The following MAN1C1 variants were observed in gnomAD, a reference collection of about 807,000 sequenced individuals.
MAN1C1 encodes mannosyl-oligosaccharide 1,2-alpha-mannosidase IC.
A neutral mutation model predicts 71.5 loss-of-function variants in MAN1C1; 49 were observed. The observed-to-expected ratio is 0.69, with a 90% CI of 0.54 to 0.87. The LOEUF (loss-of-function observed/expected upper bound fraction) is 0.87, where lower values mean the gene tolerates loss of function less well. Among genes scored for constraint, MAN1C1 ranks in the 40% least tolerant of loss-of-function variants. The pLI is 0.00. For synonymous variants in MAN1C1, 352 were observed against 343.7 expected (o/e 1.02, Z -0.27); for missense variants, 743 against 835.0 (o/e 0.89, Z 1.36).
Position 25,782,644 on chromosome 1 carries a change from T to G in MAN1C1, c.1710T>G (p.Ser570Arg). The stretch of plus-strand genomic sequence containing the variant: ...TCTCTGGGATCCAAGACGTGTACAG[T>G]AGCACCCCCAACCACGACAACAAGC... ...AGFSGIQDVY[S>R]STPNHDNKQQ... Residue 570 changes from serine (S) to arginine (R), a missense_variant, in exon 11 of 12, where the codon AGT becomes AGG. By Grantham distance (110) the Ser-to-Arg change is moderately radical. Coordinates refer to ENST00000374332, the MANE Select transcript of MAN1C1 (RefSeq NM_020379.4). The surrounding 1 kb of genome is among the most constrained non-coding windows in gnomAD (Gnocchi z 4.4). 1 of 1,614,034 alleles carries G rather than the reference T, an allele frequency of 6.2e-7. No homozygotes were observed. Among genetic ancestry groups the G allele is most frequent in the Non-Finnish European group, 8.5e-7 (1 of 1,179,992 alleles).
intron 1 of MAN1C1, among the ~76,000 whole-genome samples, chr1:25,658,087 C>T (rs1025334053): frequency 6.6e-6 from 1 of 152,244 alleles, no homozygotes; most frequent in Admixed American, 6.5e-5. Flanking sequence ...ACCACCTTTC[C>T]TGCTCTCTGG....
chr1:25,771,237 T>C (rs1572210656), intron 7 of MAN1C1, among the ~76,000 whole-genome samples: 1 of 152,254 alleles, frequency 6.6e-6, no homozygotes, highest in Admixed American at 6.5e-5. Flanking sequence ...TCTTCCTCTT[T>C]CCCGTGGCCT....
chr1:25,643,108 C>T (rs114251253), intron 1 of MAN1C1, among the ~76,000 whole-genome samples: 224 of 152,164 alleles, frequency 1.5e-3, no homozygotes, highest in African/African-American at 5.1e-3. Context: ...TGCCCATTCT[C>T]CCAGGTGGAC....
At chr1:25,723,024 T>G (rs2124280616) in intron 2 of MAN1C1, among the ~76,000 whole-genome samples, 1 of 152,368 alleles carries the variant, frequency 6.6e-6, no homozygotes, top group South Asian at 2.1e-4. Flanking sequence ...CCTCAATGTT[T>G]CATGACATAT....
intron 1 of MAN1C1, among the ~76,000 whole-genome samples, chr1:25,629,177 T>G (rs1228857556): frequency 6.6e-6 from 1 of 152,230 alleles, no homozygotes; most frequent in African/African-American, 2.4e-5. Context: ...CCATACTGTT[T>G]TCCATAGAGG....
intron 2 of MAN1C1, among the ~76,000 whole-genome samples, chr1:25,721,090 G>A (rs977639480): frequency 3.3e-5 from 5 of 152,162 alleles, no homozygotes; most frequent in Non-Finnish European, 7.3e-5. Context: ...AACACGAAAT[G>A]TGAGTACTCC....
At chr1:25,666,615 A>G (rs1476508991) in intron 1 of MAN1C1, among the ~76,000 whole-genome samples, 2 of 151,516 alleles carry the variant, frequency 1.3e-5, no homozygotes, top group African/African-American at 4.9e-5. Context: ...AAAGGACCCC[A>G]CTCCCCCCAC....
At chr1:25,679,589 C>G (rs763375520) in intron 1 of MAN1C1, among the ~76,000 whole-genome samples, 1 of 150,000 alleles carries the variant, frequency 6.7e-6, no homozygotes, top group Non-Finnish European at 1.5e-5. Context: ...TTCAGACTTA[C>G]GGAAAAGTTA....
Position 25,617,661 on chromosome 1 carries a change from C to A in MAN1C1, c.-137C>A, listed in dbSNP as rs1350062728. On this transcript the variant is annotated 5_prime_UTR_variant, in exon 1 of 12. Coordinates refer to ENST00000374332, the MANE Select transcript of MAN1C1 (RefSeq NM_020379.4). The surrounding 1 kb of genome is among the most constrained non-coding windows in gnomAD (Gnocchi z 5.1). ...GAACTTCGGGGACAGTCCCCCGAAG[C>A]GGCGAAACTCTCAGGGTTGGCAACC... is the stretch of plus-strand genomic sequence containing the variant. 207 of 666,540 alleles carry A rather than the reference C, an allele frequency of 3.1e-4. 2 individuals carry two copies. In the East Asian group the frequency reaches 6.7e-3, roughly 22 times the overall value. 41.3% of individuals were successfully genotyped at this position (666,540 alleles called of 1,614,324 possible).
At chr1:25,686,194 G>A (rs906654911) in intron 1 of MAN1C1, among the ~76,000 whole-genome samples, 11 of 152,150 alleles carry the variant, frequency 7.2e-5, no homozygotes, top group African/African-American at 2.4e-4. Context: ...TGCTTTTTCT[G>A]TCTTCTCTAA....
intron 1 of MAN1C1, among the ~76,000 whole-genome samples, chr1:25,655,594 GGGCAGAGTCTAGCTTTTTAGAA>G (rs1031840151): frequency 7.2e-5 from 11 of 152,152 alleles, no homozygotes; most frequent in Admixed American, 2.0e-4. Flanking sequence ...CTGATGTCTG[GGGCAGAGTCTAGCTTTTTAGAA>G]GGCAGACTCT....
intron 2 of MAN1C1, among the ~76,000 whole-genome samples, chr1:25,689,567 C>T (rs1256087954): frequency 6.6e-6 from 1 of 152,132 alleles, no homozygotes; most frequent in Non-Finnish European, 1.5e-5. Context: ...ATTCTTGGAG[C>T]CTGAGAGGGG....
At chr1:25,713,360 C>G (rs551816365) in intron 2 of MAN1C1, among the ~76,000 whole-genome samples, 1 of 152,336 alleles carries the variant, frequency 6.6e-6, no homozygotes, top group South Asian at 2.1e-4. Flanking sequence ...GAAACAGACC[C>G]AGGTAAGCTG....
At chr1:25,636,484 G>C (rs2045462813) in intron 1 of MAN1C1, among the ~76,000 whole-genome samples, 1 of 152,206 alleles carries the variant, frequency 6.6e-6, no homozygotes, top group South Asian at 2.1e-4. Flanking sequence ...TTGCACGTCT[G>C]TTTATAGGCT....
intron 5 of MAN1C1, among the ~76,000 whole-genome samples, chr1:25,754,295 A>T (rs529755246): frequency 4.6e-5 from 7 of 152,064 alleles, no homozygotes; most frequent in Non-Finnish European, 1.0e-4. Context: ...AAACCAACAG[A>T]AGCTTCAGCC....
intron 2 of MAN1C1, among the ~76,000 whole-genome samples, chr1:25,718,323 G>A (rs1316488678): frequency 1.3e-5 from 2 of 152,134 alleles, no homozygotes; most frequent in East Asian, 1.9e-4. Context: ...TCTTGAAGAC[G>A]TCTCTCCTGG....
In MAN1C1 at chr1:25,769,197, GCACACACCC is replaced by G. The variant is rs1276422636; in HGVS notation, c.1142-2452_1142-2444del. Among the ~76,000 whole-genome samples the G allele has an allele frequency of 2.2e-5, 3 of 138,428 alleles. No individual in the cohort carries two copies. Among genetic ancestry groups the G allele is most frequent in the African/African-American group, 2.8e-5 (1 of 36,050 alleles). The allele number at this position is 138,428 out of a possible 152,430, so 90.8% of individuals were successfully genotyped here. ...CACACATTACACACACTCGCCTCAT[GCACACACCC>G]CACACACTACACATAGTCCCCTCAT... On this transcript the variant is annotated intron_variant, in intron 7 of 11. Coordinates refer to ENST00000374332, the MANE Select transcript of MAN1C1 (RefSeq NM_020379.4). The surrounding 1 kb of genome is among the most constrained non-coding windows in gnomAD (Gnocchi z 4.8).
chr1:25,679,950 A>AAAAAAAT (rs1285307256), intron 1 of MAN1C1, among the ~76,000 whole-genome samples: 22 of 117,228 alleles, frequency 1.9e-4, no homozygotes, highest in African/African-American at 7.9e-4. Context: ...AAAAAAAAAA[A>AAAAAAAT]ATATATATAT....
At chr1:25,689,513 C>T (rs553782829) in intron 2 of MAN1C1, among the ~76,000 whole-genome samples, 4 of 152,208 alleles carry the variant, frequency 2.6e-5, no homozygotes, top group Admixed American at 1.3e-4. Context: ...TCATAGGACA[C>T]GAAGGCTTAT....
Sources: allele counts gnomAD v4.1 joint callset (sites outside exome capture counted in the v4.1 genomes callset), GRCh38; gene constraint gnomAD v4.1.1; non-coding constraint Gnocchi (gnomAD v3.1); transcripts MANE v1.5; gene names NCBI Gene and HGNC (gene_info 2026-07-23, HGNC 2026-07-21).